The following WFDC5 variants were observed in gnomAD, a reference collection of about 807,000 sequenced individuals.
WFDC5 encodes the protein WAP four-disulfide core domain protein 5.
WFDC5 carries 15 observed loss-of-function variants against 15.7 expected under a neutral mutation model. The observed-to-expected ratio is 0.96, with a 90% CI of 0.64 to 1.47. The LOEUF (loss-of-function observed/expected upper bound fraction) is 1.47, where lower values mean the gene tolerates loss of function less well. Among genes scored for constraint, WFDC5 ranks in the 40% most tolerant of loss-of-function variants. WFDC5 has a pLI of 0.00. For synonymous variants in WFDC5, 109 were observed against 107.7 expected (o/e 1.01, Z -0.07); for missense variants, 280 against 258.0 (o/e 1.09, Z -0.59).
intron 1 of WFDC5, 89 bp downstream of exon 1, chr20:45,114,910 G>T: frequency 7.2e-7 from 1 of 1,398,002 alleles, no homozygotes; most frequent in Non-Finnish European, 9.9e-7. Flanking sequence ...CACCCCACAG[G>T]GCATTACCTG....
intron 1 of WFDC5, among the ~76,000 whole-genome samples, chr20:45,114,459 T>G (rs2145528321): frequency 6.6e-6 from 1 of 151,876 alleles, no homozygotes; most frequent in Non-Finnish European, 1.5e-5. Context: ...CCACACCCTC[T>G]CCTCAATTCC....
chr20:45,110,259 C>T, intron 3 of WFDC5, 141 bp downstream of exon 3: 1 of 1,425,824 alleles, frequency 7.0e-7, no homozygotes. Flanking sequence ...ACTCCTCCAA[C>T]CCCTATCCAG....
At chr20:45,111,287 CA>C (rs67613422) in intron 1 of WFDC5, among the ~76,000 whole-genome samples, 30,834 of 128,702 alleles carry the variant, frequency 0.24, 3,776 homozygotes, top group African/African-American at 0.36. Context: ...AGCGCCCCCC[CA>C]CCCCGGCCCC....
chr20:45,113,061 T>C (rs899365716), intron 1 of WFDC5, among the ~76,000 whole-genome samples: 1 of 152,206 alleles, frequency 6.6e-6, no homozygotes, highest in African/African-American at 2.4e-5. Context: ...CACAGTCATA[T>C]ATACAGAATC....
chr20:45,114,993 A>T lies in WFDC5; in HGVS notation c.85+6T>A, dbSNP rs756660509. ...TCCCCCCAGCAGAGGGATTTCCCGC[A>T]CTCACCTCCCTTCTTCCTGCCAAAG... On this transcript the variant is annotated splice_donor_region_variant and intron_variant, in intron 1 of 3. Coordinates refer to ENST00000307971, the Ensembl canonical transcript of WFDC5. The T allele has an allele frequency of 1.2e-6, 2 of 1,613,014 alleles. No individual in the cohort carries two copies.
chr20:45,111,735 T>C (rs1385358666), intron 1 of WFDC5, among the ~76,000 whole-genome samples: 1 of 152,090 alleles, frequency 6.6e-6, no homozygotes, highest in Non-Finnish European at 1.5e-5. Flanking sequence ...GAAATCAGTA[T>C]CCTCCTCCAT....
chr20:45,110,290 G>T lies in WFDC5; in HGVS notation c.393+84C>A, dbSNP rs1600607437. On this transcript the variant is annotated intron_variant, in intron 3 of 3. Coordinates refer to ENST00000307971, the Ensembl canonical transcript of WFDC5. Reference sequence around the variant, plus strand: ...TCCAGTTTCCTAATCCTGGCCATGGGAGGTCCTGACTTCTGGGGAGGCATC... The same window carrying T: ...TCCAGTTTCCTAATCCTGGCCATGGTAGGTCCTGACTTCTGGGGAGGCATC... 7.3e-6 allele frequency: 11 copies of T among 1,504,150 alleles called. No homozygotes were observed. In the East Asian group the frequency reaches 2.7e-4, roughly 37 times the overall value. 93.2% of individuals were successfully genotyped at this position (1,504,150 alleles called of 1,614,324 possible).
exon 2 of WFDC5, chr20:45,110,647 G>T: frequency 6.2e-7 from 1 of 1,614,026 alleles, no homozygotes; most frequent in South Asian, 1.1e-5. Flanking sequence ...GAGACCCTGG[G>T]GACACACTGG....
At chr20:45,110,053 T>C (rs752014520) in intron 3 of WFDC5, 40 bp from the exon 4 acceptor site, 22 of 1,598,828 alleles carry the variant, frequency 1.4e-5, no homozygotes, top group Non-Finnish European at 1.7e-5. Flanking sequence ...CTTCCCATAA[T>C]AGGGCTCTGG....
chr20:45,115,009 C>T (rs1293194652), exon 1 of WFDC5: 1 of 1,613,720 alleles, frequency 6.2e-7, no homozygotes. Context: ...CTCCCTTCTT[C>T]CTGCCAAAGA....
chr20:45,113,235 AAC>A (rs569287394), intron 1 of WFDC5, among the ~76,000 whole-genome samples: 87 of 152,284 alleles, frequency 5.7e-4, no homozygotes, highest in African/African-American at 1.9e-3. Context: ...AGCTCTTATA[AAC>A]AGAGGCGGCT....
At chr20:45,113,741 A>G (rs145014282) in intron 1 of WFDC5, among the ~76,000 whole-genome samples, 121 of 152,090 alleles carry the variant, frequency 8.0e-4, no homozygotes, top group African/African-American at 2.8e-3. Context: ...GCTCCTTCCT[A>G]TGTTGGGGGT....
Position 45,113,214 on chromosome 20 carries a change from G to A in WFDC5, c.85+1785C>T, listed in dbSNP as rs552820609. ...ACCCAGACGTTTGAGTGAGAAGGGG[G>A]CAGAATGGGGAGCTCTTATAAACAG... On this transcript the variant is annotated intron_variant, in intron 1 of 3. Coordinates refer to ENST00000307971, the Ensembl canonical transcript of WFDC5. 3.9e-5 allele frequency among the ~76,000 whole-genome samples: 6 copies of A among 152,308 alleles called. No individual in the cohort carries two copies. In the East Asian group the frequency reaches 1.2e-3, roughly 29 times the overall value.
exon 1 of WFDC5, chr20:45,115,053 C>T (rs1234166289): frequency 3.1e-6 from 5 of 1,613,282 alleles, no homozygotes; most frequent in Middle Eastern, 1.6e-4. Context: ...GCCAGGAGGG[C>T]CCCCAGGAGG....
At chr20:45,115,910 A>G (rs1420209209), upstream of WFDC5, among the ~76,000 whole-genome samples, 1 of 152,178 alleles carries the variant, frequency 6.6e-6, no homozygotes, top group Non-Finnish European at 1.5e-5. Context: ...GAGGGAGCTG[A>G]GACTTGGCAT....
chr20:45,114,354 C>A (rs2145528246), intron 1 of WFDC5, among the ~76,000 whole-genome samples: 1 of 152,252 alleles, frequency 6.6e-6, no homozygotes, highest in East Asian at 1.9e-4. Flanking sequence ...GCAGGCCAGC[C>A]CCAGCCTTGT....
exon 4 of WFDC5, chr20:45,109,762 G>C (rs1161523731): frequency 1.4e-6 from 1 of 719,768 alleles, no homozygotes; most frequent in African/African-American, 1.7e-5. Flanking sequence ...GTATGGCAGT[G>C]GTGCAGAGTA....
intron 1 of WFDC5, among the ~76,000 whole-genome samples, chr20:45,112,342 G>A (rs1600609450): frequency 1.3e-5 from 2 of 152,236 alleles, no homozygotes; most frequent in Admixed American, 1.3e-4. Flanking sequence ...GTGGCGAGGG[G>A]CCTGGGGCTG....
chr20:45,114,112 G>A (rs1981692185), intron 1 of WFDC5, among the ~76,000 whole-genome samples: 1 of 152,238 alleles, frequency 6.6e-6, no homozygotes, highest in South Asian at 2.1e-4. Flanking sequence ...GAGGAGTTAC[G>A]TGATGATGGT....
Sources: allele counts gnomAD v4.1 joint callset (sites outside exome capture counted in the v4.1 genomes callset), GRCh38; gene constraint gnomAD v4.1.1; transcripts MANE v1.5; gene names NCBI Gene and HGNC (gene_info 2026-07-23, HGNC 2026-07-21).